STX7: variants seen among roughly 807,000 people sequenced by gnomAD.
STX7 encodes syntaxin 7.
STX7 carries 34 observed loss-of-function variants against 39.6 expected under a neutral mutation model. The observed-to-expected ratio is 0.86, with a 90% CI of 0.65 to 1.14. The LOEUF (loss-of-function observed/expected upper bound fraction) is 1.14. STX7 is among the 50% of genes most tolerant of loss of function. The pLI, the probability that STX7 is intolerant of heterozygous loss-of-function variation, is 0.00. For synonymous variants in STX7, 119 were observed against 99.1 expected, an observed-to-expected ratio of 1.20 and a Z score of -1.19; for missense variants, 284 against 310.4, an observed-to-expected ratio of 0.92 and a Z score of 0.64.
At chr6:132,470,423 T>A (rs904507885) in intron 6 of STX7, 151 bp downstream of exon 6, 2 of 448,794 alleles carry the variant, frequency 4.5e-6, no homozygotes, top group Non-Finnish European at 7.4e-6. Context: ...TTACTTAAAA[T>A]TTTTTTCAAA....
At position 132,469,709 on chromosome 6, in the gene STX7, C is replaced by T. The variant is rs116879068; in HGVS notation, c.537+242G>A. Among the ~76,000 whole-genome samples the T allele has an allele frequency of 2.7e-3, 404 of 152,206 alleles. 2 individuals carry two copies. Among genetic ancestry groups the T allele is most frequent in the Non-Finnish European group, 4.1e-3 (282 of 68,022 alleles). On this transcript the variant is annotated intron_variant, in intron 7 of 9. Coordinates refer to ENST00000367941, the MANE Select transcript of STX7 (RefSeq NM_003569.3). ...AAAAAATTAGCCAGGTGGGGTGACA[C>T]GTGCCTGTAATCCCAGCTACTCAGC...
At chr6:132,465,264 A>C (rs971071960) in intron 8 of STX7, among the ~76,000 whole-genome samples, 2 of 152,162 alleles carry the variant, frequency 1.3e-5, no homozygotes, top group Admixed American at 1.3e-4. Context: ...CTCAATTTCA[A>C]GGGTCTCACT....
At chr6:132,475,757 A>G in intron 2 of STX7, 95 bp from the exon 3 acceptor site, 1 of 646,524 alleles carries the variant, frequency 1.5e-6, no homozygotes, top group Non-Finnish European at 2.5e-6. Context: ...GGGCAGTTGA[A>G]AAGAGACAGA....
intron 2 of STX7, among the ~76,000 whole-genome samples, chr6:132,501,370 T>C (rs1775554911): frequency 6.6e-6 from 1 of 152,162 alleles, no homozygotes; most frequent in Non-Finnish European, 1.5e-5. Flanking sequence ...CCCAGTCTTC[T>C]TAACAGCTCT....
At chr6:132,500,965 T>C (rs139638264) in intron 2 of STX7, among the ~76,000 whole-genome samples, 323 of 152,326 alleles carry the variant, frequency 2.1e-3, no homozygotes, top group Non-Finnish European at 3.7e-3. Flanking sequence ...GAGGCCCCTA[T>C]GTTCATGCAG....
intron 1 of STX7, among the ~76,000 whole-genome samples, chr6:132,508,213 C>T (rs935962296): frequency 6.6e-6 from 1 of 152,198 alleles, no homozygotes; most frequent in Admixed American, 6.5e-5. Flanking sequence ...CACCTGAGGC[C>T]TACTCTCTCT....
chr6:132,473,640 A>C (rs1486047259), intron 3 of STX7, among the ~76,000 whole-genome samples: 3 of 151,804 alleles, frequency 2.0e-5, no homozygotes, highest in African/African-American at 7.2e-5. Flanking sequence ...TATAAATTGA[A>C]AAGATTTCCA....
chr6:132,479,072 A>C (rs546601663), intron 2 of STX7, among the ~76,000 whole-genome samples: 26 of 152,314 alleles, frequency 1.7e-4, no homozygotes, highest in Admixed American at 1.6e-3. Flanking sequence ...AATCCATGAA[A>C]ATACAGGGCA....
In STX7 at chr6:132,454,564, T is replaced by C. The variant is rs1774206896; in HGVS notation, c.*6194A>G. 1 of 152,176 alleles carries C rather than the reference T, an allele frequency of 6.6e-6. No individual in the cohort carries two copies. The highest frequency in any genetic ancestry group is 2.4e-5 in the African/African-American group (1 of 41,448). 9.4% of individuals were successfully genotyped at this position (152,176 alleles called of 1,614,324 possible). A position where few individuals can be genotyped will look rare whatever the true frequency, so the allele number is the denominator to read the frequency against. On this transcript the variant is annotated 3_prime_UTR_variant, in exon 10 of 10. Transcript: ENST00000367941. ...AGCATTAAACATATTTTATACTTTA[T>C]AAAGAATGGGCTCTATTTCAAATGT...
intron 2 of STX7, among the ~76,000 whole-genome samples, chr6:132,496,989 T>G (rs1238185475): frequency 2.0e-5 from 3 of 152,182 alleles, no homozygotes. Flanking sequence ...TCTGATACAC[T>G]GGCTGTACTC....
In STX7 at chr6:132,471,491, G is replaced by C; in HGVS notation, c.359C>G (p.Ala120Gly). The C allele has an allele frequency of 6.2e-7, 1 of 1,613,860 alleles. No homozygotes were observed. ...CACTCTGGAACTGGCTCTTACTCGA[G>C]CAACAAACTCTTTCTCTCGCTCAGC... ...QAAEREKEFV[A>G]RVRASSRVSG... The change falls in exon 5 of 10, where the codon GCT (alanine) becomes GGT (glycine). Residue 120 changes from alanine to glycine, a missense_variant. Physicochemically the swap from Ala to Gly is moderately conservative, Grantham distance 60 (BLOSUM62 0). Coordinates refer to ENST00000367941, the MANE Select transcript of STX7 (RefSeq NM_003569.3).
Position 132,447,110 on chromosome 6 carries a change from G to A in STX7, c.*13648C>T, listed in dbSNP as rs897723885. On this transcript the variant is annotated 3_prime_UTR_variant, in exon 10 of 10. Coordinates refer to ENST00000367941, the MANE Select transcript of STX7 (RefSeq NM_003569.3). ...ATTCCGTATCTCCTAAGATACATTGGTTAAAAAGATACTAATAAGTTTTTG... is the reference window on the plus strand; with the variant it reads ...ATTCCGTATCTCCTAAGATACATTGATTAAAAAGATACTAATAAGTTTTTG... The A allele has an allele frequency of 2.0e-5, 3 of 152,160 alleles. No homozygotes were observed. Among genetic ancestry groups the A allele is most frequent in the African/African-American group, 7.2e-5 (3 of 41,432 alleles). 9.4% of individuals were successfully genotyped at this position (152,160 alleles called of 1,614,324 possible).
rs1255314326 is a variant in STX7, at chr6:132,453,181, T to C, written c.*7577A>G. 5 of 152,084 alleles carry C rather than the reference T, an allele frequency of 3.3e-5. No homozygotes were observed. Among genetic ancestry groups the C allele is most frequent in the Admixed American group, 1.3e-4 (2 of 15,260 alleles). The allele number at this position is 152,084 out of a possible 1,614,324, so 9.4% of individuals were successfully genotyped here. Reference sequence around the variant, plus strand: ...TTCGACAAATATCATGTTGGAGTAATTGAATATCCATAGGCAACAACAAAA... The same window carrying C: ...TTCGACAAATATCATGTTGGAGTAACTGAATATCCATAGGCAACAACAAAA... On this transcript the variant is annotated 3_prime_UTR_variant, in exon 10 of 10. Coordinates refer to ENST00000367941, the MANE Select transcript of STX7 (RefSeq NM_003569.3).
At chr6:132,472,233 G>A in intron 4 of STX7, 49 bp downstream of exon 4, 2 of 1,437,828 alleles carry the variant, frequency 1.4e-6, no homozygotes, top group Non-Finnish European at 1.9e-6. Context: ...CAGTGCACTG[G>A]GTTTTTTTCA....
At position 132,454,968 on chromosome 6, in the gene STX7, T is replaced by C. The variant is rs1387014253; in HGVS notation, c.*5790A>G. 1 of 152,116 alleles carries C rather than the reference T, an allele frequency of 6.6e-6. No homozygotes were observed. The highest frequency in any genetic ancestry group is 6.6e-5 in the Admixed American group (1 of 15,256). 9.4% of individuals were successfully genotyped at this position (152,116 alleles called of 1,614,324 possible). ...TCTGGCCCTGGGAAGAGGTTGGATG[T>C]GGCCTGAGGCACATTGAAAATGCCT... On this transcript the variant is annotated 3_prime_UTR_variant, in exon 10 of 10. Transcript: ENST00000367941.
In STX7 at chr6:132,454,266, G is replaced by T. The variant is rs1774200012; in HGVS notation, c.*6492C>A. On this transcript the variant is annotated 3_prime_UTR_variant, in exon 10 of 10. Transcript: ENST00000367941. ...TAAAAATGGAGAACAGATTATGGTT[G>T]CCAAGGGTTAAGAAGGGAGTAGGGA... 1 of 151,944 alleles carries T rather than the reference G, an allele frequency of 6.6e-6. No homozygotes were observed. The highest frequency in any genetic ancestry group is 1.5e-5 in the Non-Finnish European group (1 of 67,950). The allele number at this position is 151,944 out of a possible 1,614,324, so 9.4% of individuals were successfully genotyped here.
chr6:132,487,882 AT>A (rs1343270129), intron 2 of STX7, among the ~76,000 whole-genome samples: 1 of 151,480 alleles, frequency 6.6e-6, no homozygotes, highest in Admixed American at 6.6e-5. Context: ...GGTTTCATTG[AT>A]TTTTTTTCTC....
chr6:132,470,169 C>CCT lies in STX7; in HGVS notation c.441-123_441-122insAG, dbSNP rs142375109. Reference sequence around the variant, plus strand: ...TTTATTCTCCAAAGTCACAGAACTACTCAAAAAAATTCTAAGAATATAACA... The same window carrying CCT: ...TTTATTCTCCAAAGTCACAGAACTACCTTCAAAAAAATTCTAAGAATATAACA... On this transcript the variant is annotated intron_variant, in intron 6 of 9. Transcript: ENST00000367941. The CCT allele has an allele frequency of 6.7e-3, 4,299 of 640,804 alleles. 118 individuals are homozygous for CCT. The African/African-American group carries it at 0.068, about 10-fold the overall frequency. The allele number at this position is 640,804 out of a possible 1,614,324, so 39.7% of individuals were successfully genotyped here.
rs1774085286 is a variant in STX7, at chr6:132,449,042, CA to C, written c.*11715del. The C allele has an allele frequency of 6.6e-6, 1 of 150,502 alleles. No individual in the cohort carries two copies. The highest frequency in any genetic ancestry group is 2.5e-5 in the African/African-American group (1 of 40,746). 9.3% of individuals were successfully genotyped at this position (150,502 alleles called of 1,614,324 possible). Reference sequence around the variant, plus strand: ...ACTTTTTTTTTTTTTAGACAGGGTACAGTGGCACCATCATAGCTCACTGCAG... The same window carrying C: ...ACTTTTTTTTTTTTTAGACAGGGTACGTGGCACCATCATAGCTCACTGCAG... On this transcript the variant is annotated 3_prime_UTR_variant, in exon 10 of 10. Coordinates refer to ENST00000367941, the MANE Select transcript of STX7 (RefSeq NM_003569.3).
Sources: allele counts gnomAD v4.1 joint callset (sites outside exome capture counted in the v4.1 genomes callset), GRCh38; gene constraint gnomAD v4.1.1; transcripts MANE v1.5; gene names NCBI Gene and HGNC (gene_info 2026-07-23, HGNC 2026-07-21).